Variants in RSPO3 observed in about 807,000 individuals in gnomAD.
RSPO3 encodes R-spondin-3.
A neutral mutation model predicts 36.5 loss-of-function variants in RSPO3; 17 were observed. That is an observed-to-expected ratio of 0.47 (90% CI 0.32 to 0.70). The LOEUF is 0.70. Ranked by LOEUF, RSPO3 falls within the 30% of genes least tolerant of loss-of-function variation. The pLI, the probability that RSPO3 is intolerant of heterozygous loss-of-function variation, is 0.04. For missense variants in RSPO3, 294 were observed against 322.5 expected (o/e 0.91, Z 0.68); for synonymous variants, 108 against 107.0 (o/e 1.01, Z -0.06).
intron 4 of RSPO3, among the ~76,000 whole-genome samples, chr6:127,172,417 T>G (rs1195755724): frequency 6.6e-6 from 1 of 151,662 alleles, no homozygotes; most frequent in African/African-American, 2.4e-5. Context: ...TATTCATCTC[T>G]GGACACTAAG....
intron 4 of RSPO3, among the ~76,000 whole-genome samples, chr6:127,164,716 A>G (rs1249822037): frequency 1.3e-5 from 2 of 152,076 alleles, no homozygotes; most frequent in Non-Finnish European, 2.9e-5. Flanking sequence ...TTGCTTGATT[A>G]TGCACAAGGC....
chr6:127,176,724 T>C (rs1463941799), intron 4 of RSPO3, among the ~76,000 whole-genome samples: 1 of 151,766 alleles, frequency 6.6e-6, no homozygotes, highest in African/African-American at 2.4e-5. Flanking sequence ...AAGGAAGACA[T>C]ATTCTACTCC....
intron 4 of RSPO3, among the ~76,000 whole-genome samples, chr6:127,157,195 C>T (rs1485943380): frequency 1.3e-5 from 2 of 152,068 alleles, no homozygotes; most frequent in South Asian, 2.1e-4. Context: ...CTCCTGTTGC[C>T]GTACATTTAC....
At chr6:127,127,611 G>C (rs1229133524) in intron 1 of RSPO3, among the ~76,000 whole-genome samples, 5 of 152,000 alleles carry the variant, frequency 3.3e-5, no homozygotes, top group African/African-American at 1.2e-4. Flanking sequence ...CACCTGTAAG[G>C]AATGTGCCAA....
chr6:127,166,806 T>C (rs1774830101), intron 4 of RSPO3, among the ~76,000 whole-genome samples: 1 of 152,000 alleles, frequency 6.6e-6, no homozygotes, highest in African/African-American at 2.4e-5. Context: ...TAACTGCATG[T>C]TATTAGTCCT....
chr6:127,127,154 T>TAC (rs1773954570), intron 1 of RSPO3, among the ~76,000 whole-genome samples: 1 of 152,086 alleles, frequency 6.6e-6, no homozygotes, highest in South Asian at 2.1e-4. Flanking sequence ...TACAAACCAC[T>TAC]ACCACACAAT....
chr6:127,192,041 A>T (rs1775421931), intron 4 of RSPO3, among the ~76,000 whole-genome samples: 1 of 152,072 alleles, frequency 6.6e-6, no homozygotes, highest in Admixed American at 6.5e-5. Context: ...AGCCTAGCAA[A>T]CTCTCAGTCA....
intron 4 of RSPO3, among the ~76,000 whole-genome samples, chr6:127,189,472 C>T (rs2114267460): frequency 6.6e-6 from 1 of 152,050 alleles, no homozygotes; most frequent in African/African-American, 2.4e-5. Context: ...GGACAAGGAC[C>T]CTGAGGGCCA....
At chr6:127,173,250 T>C (rs117556834) in intron 4 of RSPO3, among the ~76,000 whole-genome samples, 3 of 151,990 alleles carry the variant, frequency 2.0e-5, no homozygotes, top group Non-Finnish European at 4.4e-5. Flanking sequence ...ATTTCCCCTT[T>C]TGCTTCAAAT....
chr6:127,173,086 G>A (rs2114620043), intron 4 of RSPO3, among the ~76,000 whole-genome samples: 1 of 151,732 alleles, frequency 6.6e-6, no homozygotes, highest in East Asian at 1.9e-4. Flanking sequence ...CACACATGAG[G>A]CTTAGCATCA....
intron 4 of RSPO3, among the ~76,000 whole-genome samples, chr6:127,187,390 AT>A (rs1562254886): frequency 6.6e-6 from 1 of 152,122 alleles, no homozygotes. Context: ...ATTCAGGGTC[AT>A]TTTTTTAAGG....
intron 4 of RSPO3, among the ~76,000 whole-genome samples, chr6:127,182,798 C>T (rs892225617): frequency 1.3e-5 from 2 of 151,940 alleles, no homozygotes; most frequent in Non-Finnish European, 2.9e-5. Flanking sequence ...GCTTCTGAGA[C>T]TGTGTAGTGC....
chr6:127,134,237 G>A (rs138589782), intron 1 of RSPO3, among the ~76,000 whole-genome samples: 22 of 152,238 alleles, frequency 1.4e-4, no homozygotes, highest in South Asian at 4.1e-4. Context: ...TTAGCATGCC[G>A]TTTGTGACAA....
intron 4 of RSPO3, among the ~76,000 whole-genome samples, chr6:127,160,889 T>C (rs1006743151): frequency 6.6e-6 from 1 of 152,186 alleles, no homozygotes; most frequent in Non-Finnish European, 1.5e-5. Context: ...CATAAAAACA[T>C]GTTTGGTCTT....
chr6:127,165,122 T>C (rs1487166678), intron 4 of RSPO3, among the ~76,000 whole-genome samples: 4 of 151,998 alleles, frequency 2.6e-5, no homozygotes, highest in Non-Finnish European at 5.9e-5. Flanking sequence ...TAAATTCACA[T>C]GCAGAAAATA....
intron 4 of RSPO3, among the ~76,000 whole-genome samples, chr6:127,161,217 A>T (rs4566896): frequency 6.6e-6 from 1 of 151,766 alleles, no homozygotes; most frequent in East Asian, 1.9e-4. Context: ...GACATGCACA[A>T]TTGACTCCCC....
chr6:127,155,093 T>G, intron 3 of RSPO3, 148 bp from the exon 4 acceptor site: 1 of 735,590 alleles, frequency 1.4e-6, no homozygotes, highest in Non-Finnish European at 2.4e-6. Flanking sequence ...ATTCTCCTGT[T>G]TTATATTTAA....
At chr6:127,149,274 C>T (rs909254410) in intron 2 of RSPO3, among the ~76,000 whole-genome samples, 31 of 152,036 alleles carry the variant, frequency 2.0e-4, no homozygotes, top group Non-Finnish European at 4.1e-4. Context: ...TCATCTGGAA[C>T]CTGAAAACCT....
chr6:127,155,351 C>T lies in RSPO3; in HGVS notation c.547C>T (p.Pro183Ser), dbSNP rs369318862. 57 of 1,613,656 alleles carry T rather than the reference C, an allele frequency of 3.5e-5. No individual in the cohort carries two copies. In the African/African-American group the frequency reaches 6.1e-4, roughly 17 times the overall value. The change falls in exon 4 of 5, where the codon CCT becomes TCT. Residue 183 changes from proline to serine, a missense_variant. Physicochemically the swap from Pro to Ser is moderately conservative, Grantham distance 74. This residue lies in a region of RSPO3 where 190 missense variants were observed against 185.2 expected (regional missense o/e 1.03). Coordinates refer to ENST00000356698, the MANE Select transcript of RSPO3 (RefSeq NM_032784.5). Reference sequence around the variant, plus strand: ...ACGGGTCCGAGAAATAATACAGCATCCTTCAGCAAAGGGTAACCTGTGTCC... The same window carrying T: ...ACGGGTCCGAGAAATAATACAGCATTCTTCAGCAAAGGGTAACCTGTGTCC... ...ETRVREIIQH[P>S]SAKGNLCPPT... is the part of the protein sequence containing the mutation.
Sources: gnomAD v4.1 joint callset for allele counts (sites outside exome capture counted in the v4.1 genomes callset) on GRCh38, gnomAD v4.1.1 for gene constraint, gnomAD v4.1.1 regional missense constraint, MANE v1.5 for transcripts, NCBI Gene and HGNC (gene_info 2026-07-23, HGNC 2026-07-21) for gene names.